The following NOVA1 variants were observed in gnomAD, a reference collection of about 807,000 sequenced individuals.
NOVA1 encodes the protein RNA-binding protein Nova-1.
Under a neutral mutation model 38.0 loss-of-function variants are expected in NOVA1, and 7 were observed. The observed-to-expected ratio is 0.18, with a 90% CI of 0.10 to 0.35. The LOEUF is 0.35. NOVA1 is among the 10% of genes least tolerant of loss of function. The pLI, the probability that NOVA1 is intolerant of heterozygous loss-of-function variation, is 1.00. For synonymous variants in NOVA1, 270 were observed against 232.5 expected (o/e 1.16, Z -1.47); for missense variants, 460 against 616.0 (o/e 0.75, Z 2.68).
chr14:26,571,568 C>T (rs1892475772), intron 2 of NOVA1, among the ~76,000 whole-genome samples: 1 of 152,134 alleles, frequency 6.6e-6, no homozygotes. Context: ...CGAGGAGGCT[C>T]CAGCAACCCC....
chr14:26,476,311 A>C (rs574102679), intron 3 of NOVA1, among the ~76,000 whole-genome samples: 1 of 152,268 alleles, frequency 6.6e-6, no homozygotes, highest in East Asian at 1.9e-4. Context: ...AAACAGCATA[A>C]GTGACTTCTT....
intron 2 of NOVA1, among the ~76,000 whole-genome samples, chr14:26,559,704 A>G (rs1159312552): frequency 6.6e-6 from 1 of 152,160 alleles, no homozygotes; most frequent in East Asian, 1.9e-4. Context: ...TCATGAAGAC[A>G]GAGAGTAGAC....
At chr14:26,573,310 G>A (rs1048411235) in intron 2 of NOVA1, among the ~76,000 whole-genome samples, 5 of 152,030 alleles carry the variant, frequency 3.3e-5, no homozygotes, top group African/African-American at 1.2e-4. Flanking sequence ...TGAAAGAGTT[G>A]GATAACCAGG....
Position 26,443,361 on chromosome 14 carries a change from A to T in NOVA1, c.*4598T>A, listed in dbSNP as rs1314104245. The T allele has an allele frequency of 2.0e-5, 3 of 152,130 alleles. No homozygotes were observed. In the East Asian group the frequency reaches 5.8e-4, roughly 29 times the overall value. 9.4% of individuals were successfully genotyped at this position (152,130 alleles called of 1,614,324 possible). On this transcript the variant is annotated 3_prime_UTR_variant, in exon 5 of 5. Coordinates refer to ENST00000539517, the MANE Select transcript of NOVA1 (RefSeq NM_002515.3). ...AAAAAATAATCTAATCAAAATATTGAATACTTTAGAATTAAACAATATTTT... is the reference window on the plus strand; with the variant it reads ...AAAAAATAATCTAATCAAAATATTGTATACTTTAGAATTAAACAATATTTT...
intron 2 of NOVA1, among the ~76,000 whole-genome samples, chr14:26,585,616 T>C (rs1893468714): frequency 6.6e-6 from 1 of 151,334 alleles, no homozygotes; most frequent in Non-Finnish European, 1.5e-5. Flanking sequence ...AACTACAATG[T>C]GATACAGCTA....
At position 26,597,490 on chromosome 14, in the gene NOVA1, TTTTTC is replaced by T. The variant is rs1452207211; in HGVS notation, c.-59_-55del. The stretch of plus-strand genomic sequence containing the variant: ...AGAAGGTTCTCCCTTTTGTTTTGGC[TTTTTC>T]TTTTCTTTTTTCTTTTTTTTTTTTT... On this transcript the variant is annotated 5_prime_UTR_variant, in exon 1 of 5. Transcript: ENST00000539517. The T allele has an allele frequency of 1.3e-4, 162 of 1,247,120 alleles. No homozygotes were observed. The highest frequency in any genetic ancestry group is 5.1e-4 in the Middle Eastern group (2 of 3,938). 77.3% of individuals were successfully genotyped at this position (1,247,120 alleles called of 1,614,324 possible).
At chr14:26,451,726 C>T (rs1882700710) in intron 4 of NOVA1, among the ~76,000 whole-genome samples, 1 of 152,108 alleles carries the variant, frequency 6.6e-6, no homozygotes, top group African/African-American at 2.4e-5. Context: ...TGACAGTAAA[C>T]ATCTTCCAAA....
intron 4 of NOVA1, among the ~76,000 whole-genome samples, chr14:26,450,803 T>A (rs1348575712): frequency 6.6e-6 from 1 of 152,150 alleles, no homozygotes; most frequent in Non-Finnish European, 1.5e-5. Context: ...ACTGAGAAAA[T>A]GCACTTTTAA....
At chr14:26,490,246 C>T (rs1219977812) in intron 2 of NOVA1, among the ~76,000 whole-genome samples, 1 of 152,150 alleles carries the variant, frequency 6.6e-6, no homozygotes, top group Non-Finnish European at 1.5e-5. Context: ...TTTTATTTAT[C>T]CATTTACCTG....
At chr14:26,457,468 T>C (rs571567501) in intron 4 of NOVA1, among the ~76,000 whole-genome samples, 1 of 152,208 alleles carries the variant, frequency 6.6e-6, no homozygotes, top group East Asian at 1.9e-4. Context: ...AGCTGAAAAA[T>C]TTCTGTCACC....
intron 2 of NOVA1, among the ~76,000 whole-genome samples, chr14:26,508,086 A>C (rs1176251604): frequency 6.6e-6 from 1 of 152,070 alleles, no homozygotes; most frequent in Non-Finnish European, 1.5e-5. Flanking sequence ...CTTTTTGAAT[A>C]GACATAGCAA....
intron 2 of NOVA1, among the ~76,000 whole-genome samples, chr14:26,535,230 G>T (rs1161729412): frequency 6.6e-6 from 1 of 152,062 alleles, no homozygotes; most frequent in Non-Finnish European, 1.5e-5. Flanking sequence ...TACTGAGACA[G>T]AAAATAATTT....
intron 2 of NOVA1, among the ~76,000 whole-genome samples, chr14:26,508,557 C>T (rs1488427432): frequency 2.0e-5 from 2 of 101,232 alleles, no homozygotes; most frequent in African/African-American, 7.0e-5. Context: ...CATGTACATA[C>T]ACACACACAC....
chr14:26,521,503 G>A (rs1010382389), intron 2 of NOVA1, among the ~76,000 whole-genome samples: 1 of 151,986 alleles, frequency 6.6e-6, no homozygotes, highest in Non-Finnish European at 1.5e-5. Flanking sequence ...TTTTTAAATG[G>A]TATGAGAAAA....
chr14:26,580,076 C>T (rs149690674), intron 2 of NOVA1, among the ~76,000 whole-genome samples: 2 of 151,204 alleles, frequency 1.3e-5, no homozygotes, highest in African/African-American at 4.8e-5. Flanking sequence ...AAAAATCTTA[C>T]TAACAGCAAA....
intron 2 of NOVA1, among the ~76,000 whole-genome samples, chr14:26,569,311 A>G (rs1004197337): frequency 1.3e-5 from 2 of 152,226 alleles, no homozygotes; most frequent in African/African-American, 4.8e-5. Flanking sequence ...TGAACCTTGT[A>G]AAGTATTTTG....
intron 2 of NOVA1, among the ~76,000 whole-genome samples, chr14:26,498,561 ATT>A (rs1886993138): frequency 6.6e-6 from 1 of 152,070 alleles, no homozygotes; most frequent in South Asian, 2.1e-4. Context: ...GAGTAAAACT[ATT>A]TCTAGTCTTT....
Position 26,597,528 on chromosome 14 carries a change from TTGCG to T in NOVA1, c.-96_-93del. ...TTTTCTTTTTTTTTTTTTTTTTTTTTTGCGTTTGGGGTTTCTTAAGGTTTTTTTT... is the reference window on the plus strand; with the variant it reads ...TTTTCTTTTTTTTTTTTTTTTTTTTTTTTGGGGTTTCTTAAGGTTTTTTTT... On this transcript the variant is annotated 5_prime_UTR_variant, in exon 1 of 5. Transcript: ENST00000539517. 1 of 1,149,174 alleles carries T rather than the reference TTGCG, an allele frequency of 8.7e-7. No individual in the cohort carries two copies. The highest frequency in any genetic ancestry group is 1.1e-6 in the Non-Finnish European group (1 of 928,220). 71.2% of individuals were successfully genotyped at this position (1,149,174 alleles called of 1,614,324 possible).
At chr14:26,574,304 T>C (rs1378723490) in intron 2 of NOVA1, among the ~76,000 whole-genome samples, 1 of 108,734 alleles carries the variant, frequency 9.2e-6, no homozygotes, top group African/African-American at 3.6e-5. Flanking sequence ...CCCAAAGTGC[T>C]GGGATTACAG....
Sources: gnomAD v4.1 joint callset for allele counts (sites outside exome capture counted in the v4.1 genomes callset) on GRCh38, gnomAD v4.1.1 for gene constraint, MANE v1.5 for transcripts, NCBI Gene and HGNC (gene_info 2026-07-23, HGNC 2026-07-21) for gene names.